MICAL3: variants seen among roughly 807,000 people sequenced by gnomAD.
MICAL3 encodes [F-actin]-monooxygenase MICAL3.
MICAL3 carries 62 observed loss-of-function variants against 207.4 expected under a neutral mutation model. The ratio of observed to expected loss-of-function variants is 0.30; its 90% CI spans 0.24 to 0.37. The LOEUF (loss-of-function observed/expected upper bound fraction) is 0.37, where lower values mean the gene tolerates loss of function less well. MICAL3 is among the 10% of genes least tolerant of loss of function. The pLI is 1.00. For synonymous variants in MICAL3, 1,077 were observed against 1,069.3 expected, an observed-to-expected ratio of 1.01 and a Z score of -0.14; for missense variants, 2,368 against 2,635.6, an observed-to-expected ratio of 0.90 and a Z score of 2.22.
intron 1 of MICAL3, among the ~76,000 whole-genome samples, chr22:17,944,644 T>C (rs772217392): frequency 5.3e-5 from 8 of 152,100 alleles, no homozygotes; most frequent in East Asian, 1.9e-4. Flanking sequence ...CCACTGACGA[T>C]AGGACTGTGG....
At chr22:17,864,294 A>C (rs978946734) in intron 19 of MICAL3, 1 of 1,082,138 alleles carries the variant, frequency 9.2e-7, no homozygotes, top group African/African-American at 1.6e-5. Flanking sequence ...TGACAAGCCC[A>C]GTGGCCAAGG....
chr22:17,986,445 G>A (rs1281456340), intron 1 of MICAL3, among the ~76,000 whole-genome samples: 2 of 152,058 alleles, frequency 1.3e-5, no homozygotes, highest in African/African-American at 2.4e-5. Flanking sequence ...GCTTAAACCC[G>A]GGAGGCAGAG....
At chr22:17,997,100 G>GGCTGGAGT (rs1922376357) in intron 1 of MICAL3, among the ~76,000 whole-genome samples, 1 of 128,144 alleles carries the variant, frequency 7.8e-6, no homozygotes, top group African/African-American at 3.0e-5. Context: ...CTGTCACCCA[G>GGCTGGAGT]GCTGGAGTGC....
intron 1 of MICAL3, among the ~76,000 whole-genome samples, chr22:17,924,961 C>T (rs1227777501): frequency 6.6e-6 from 1 of 152,182 alleles, no homozygotes; most frequent in Non-Finnish European, 1.5e-5. Context: ...AATGGCCTAA[C>T]ACACCCTGCA....
At chr22:17,863,028 C>T in intron 19 of MICAL3, 1 of 985,472 alleles carries the variant, frequency 1.0e-6, no homozygotes, top group Non-Finnish European at 1.2e-6. Flanking sequence ...TCTTTAACCA[C>T]ACTGCCAACC....
chr22:17,934,947 T>C (rs1163596547), intron 1 of MICAL3, among the ~76,000 whole-genome samples: 1 of 151,884 alleles, frequency 6.6e-6, no homozygotes, highest in Non-Finnish European at 1.5e-5. Context: ...CACTGCTCAA[T>C]GAAATAAAAG....
intron 7 of MICAL3, among the ~76,000 whole-genome samples, chr22:17,898,211 T>C (rs1056624670): frequency 1.3e-5 from 2 of 152,218 alleles, no homozygotes; most frequent in Non-Finnish European, 2.9e-5. Flanking sequence ...GCGTGGCAGA[T>C]TTAAATCTTC....
In MICAL3 at chr22:17,999,456, A is replaced by G. The variant is rs1377181746; in HGVS notation, c.-75+24825T>C. ...TAATTTAAAAACGGAGCATGCAACC[A>G]AAACTGCATCCAATATCATCATCCC... On this transcript the variant is annotated intron_variant, in intron 1 of 31. Transcript: ENST00000441493. Among the ~76,000 whole-genome samples, 5 of 152,248 alleles carry G rather than the reference A, an allele frequency of 3.3e-5. No homozygotes were observed. The East Asian group carries it at 9.6e-4, about 29-fold the overall frequency.
intron 1 of MICAL3, among the ~76,000 whole-genome samples, chr22:17,914,785 A>G (rs547672555): frequency 5.6e-4 from 86 of 152,372 alleles, no homozygotes; most frequent in African/African-American, 1.8e-3. Flanking sequence ...CCAAAAGGCT[A>G]AGCAACTAAA....
At chr22:17,794,232 T>A (rs1229049681) in intron 29 of MICAL3, among the ~76,000 whole-genome samples, 1 of 152,210 alleles carries the variant, frequency 6.6e-6, no homozygotes, top group Non-Finnish European at 1.5e-5. Flanking sequence ...CCGGGGCCTT[T>A]GGGGCCTTGG....
At chr22:17,899,181 C>T (rs1931115746) in intron 7 of MICAL3, 1 of 502,404 alleles carries the variant, frequency 2.0e-6, no homozygotes, top group African/African-American at 1.9e-5. Context: ...ACTGACAGAA[C>T]ACTGGCCACG....
chr22:17,950,076 G>A (rs1208545927), intron 1 of MICAL3, among the ~76,000 whole-genome samples: 2 of 152,170 alleles, frequency 1.3e-5, no homozygotes, highest in African/African-American at 4.8e-5. Flanking sequence ...GTGTCATCAG[G>A]AAGAGAGGAA....
intron 1 of MICAL3, among the ~76,000 whole-genome samples, chr22:17,959,619 G>T (rs1335219455): frequency 6.6e-6 from 1 of 152,208 alleles, no homozygotes; most frequent in Non-Finnish European, 1.5e-5. Context: ...CTCAGGGCCT[G>T]TTTTATATGG....
At chr22:17,823,703 G>C (rs911740556) in intron 22 of MICAL3, among the ~76,000 whole-genome samples, 3 of 152,186 alleles carry the variant, frequency 2.0e-5, no homozygotes, top group Non-Finnish European at 4.4e-5. Flanking sequence ...TTCGTGTTTA[G>C]ACTTGTGTCC....
chr22:17,908,497 C>T lies in MICAL3; in HGVS notation c.-74-1611G>A, dbSNP rs189179876. 5.3e-5 allele frequency among the ~76,000 whole-genome samples: 8 copies of T among 152,166 alleles called. No homozygotes were observed. The East Asian group carries it at 7.7e-4, about 15-fold the overall frequency. ...TAATTTTTTGTATTTTTAGTAGAGA[C>T]GGGGTTTCATCGTGTTAGCCAGGAT... On this transcript the variant is annotated intron_variant, in intron 1 of 31. Coordinates refer to ENST00000441493, the MANE Select transcript of MICAL3 (RefSeq NM_015241.3).
At chr22:17,835,288 C>A (rs1923247146) in intron 20 of MICAL3, among the ~76,000 whole-genome samples, 1 of 151,354 alleles carries the variant, frequency 6.6e-6, no homozygotes, top group African/African-American at 2.4e-5. Flanking sequence ...GCAACCCTCA[C>A]CTCCGTGCAT....
At chr22:17,863,831 C>G in intron 19 of MICAL3, 3 of 985,474 alleles carry the variant, frequency 3.0e-6, no homozygotes, top group Non-Finnish European at 3.6e-6. Context: ...CTTGTCCCAC[C>G]ATGGAAATTC....
At chr22:17,899,576 G>A (rs188185634) in intron 6 of MICAL3, 28 bp from the exon 7 acceptor site, 31 of 1,460,938 alleles carry the variant, frequency 2.1e-5, no homozygotes, top group Non-Finnish European at 2.9e-5. Flanking sequence ...ACGTGTGCAT[G>A]TAAGTTTGCT....
chr22:17,791,014 T>A lies in MICAL3; in HGVS notation c.5808A>T (p.Glu1936Asp). The A allele has an allele frequency of 6.2e-7, 1 of 1,612,204 alleles. No homozygotes were observed. Among genetic ancestry groups the A allele is most frequent in the Non-Finnish European group, 8.5e-7 (1 of 1,179,772 alleles). ...RQSRLQQELR[E>D]RMAVEDHLKT... ...CCCACTCACCTTCCACTGCCATGCG[T>A]TCCCGGAGCTCCTGCTGCAGTCGAC... The change falls in exon 31 of 32, where the codon GAA (glutamate) becomes GAT (aspartate). Residue 1936 changes from glutamate to aspartate, a missense_variant. By Grantham distance (45) the Glu-to-Asp change is conservative. Around this residue, in one of 4 missense-constraint regions of MICAL3, gnomAD observed 1,770 missense variants for 1,863.2 expected, o/e 0.95. Transcript: ENST00000441493.
Sources: allele counts gnomAD v4.1 joint callset (sites outside exome capture counted in the v4.1 genomes callset), GRCh38; gene constraint gnomAD v4.1.1; regional missense constraint gnomAD v4.1.1; transcripts MANE v1.5; gene names NCBI Gene and HGNC (gene_info 2026-07-23, HGNC 2026-07-21).